SMURF1: variants seen among roughly 807,000 people sequenced by gnomAD.
SMURF1 encodes E3 ubiquitin-protein ligase SMURF1.
SMURF1 carries 44 observed loss-of-function variants against 98.0 expected under a neutral mutation model. The ratio of observed to expected loss-of-function variants is 0.45; its 90% confidence interval spans 0.35 to 0.58. SMURF1 has a LOEUF of 0.58. SMURF1 is among the 20% of genes least tolerant of loss of function. The pLI is 0.00. For synonymous variants in SMURF1, 396 were observed against 374.9 expected (o/e 1.06, Z -0.65); for missense variants, 687 against 938.4 (o/e 0.73, Z 3.50).
chr7:99,086,271 G>A (rs532005896), intron 1 of SMURF1, among the ~76,000 whole-genome samples: 20 of 152,000 alleles, frequency 1.3e-4, no homozygotes, highest in Admixed American at 6.6e-4. Flanking sequence ...ACTTGAACCT[G>A]GGAGACGGAA....
intron 1 of SMURF1, among the ~76,000 whole-genome samples, chr7:99,136,855 T>C (rs939935863): frequency 1.3e-5 from 2 of 151,970 alleles, no homozygotes; most frequent in African/African-American, 2.4e-5. Flanking sequence ...GAGGCTGAGG[T>C]GGGAGGATCA....
At chr7:99,110,664 A>C (rs1453774682) in intron 1 of SMURF1, among the ~76,000 whole-genome samples, 1 of 152,250 alleles carries the variant, frequency 6.6e-6, no homozygotes, top group Non-Finnish European at 1.5e-5. Flanking sequence ...AAGTCCAGCC[A>C]TATCTATCAT....
At chr7:99,102,253 T>G (rs1162737697) in intron 1 of SMURF1, among the ~76,000 whole-genome samples, 1 of 152,238 alleles carries the variant, frequency 6.6e-6, no homozygotes, top group African/African-American at 2.4e-5. Flanking sequence ...AATATTTTGT[T>G]GTTCTTTGTA....
intron 1 of SMURF1, among the ~76,000 whole-genome samples, chr7:99,102,831 G>GT (rs1413478906): frequency 6.6e-6 from 1 of 151,776 alleles, no homozygotes; most frequent in Non-Finnish European, 1.5e-5. Flanking sequence ...TGGTTTTTTT[G>GT]TTTTTTTGTT....
chr7:99,070,621 A>G (rs1023170233), intron 1 of SMURF1, among the ~76,000 whole-genome samples: 2 of 151,688 alleles, frequency 1.3e-5, no homozygotes, highest in Admixed American at 6.6e-5. Flanking sequence ...GACTTTAAAC[A>G]TATTTGTTAA....
intron 1 of SMURF1, among the ~76,000 whole-genome samples, chr7:99,085,326 C>G (rs1796655569): frequency 7.0e-6 from 1 of 142,572 alleles, no homozygotes. Flanking sequence ...GCACTCCAGC[C>G]TGGGTGACAA....
At chr7:99,118,748 A>C (rs1797519868) in intron 1 of SMURF1, among the ~76,000 whole-genome samples, 1 of 152,174 alleles carries the variant, frequency 6.6e-6, no homozygotes, top group Non-Finnish European at 1.5e-5. Context: ...ATGTACTAAG[A>C]GCCACTTAAT....
chr7:99,057,125 T>C lies in SMURF1; in HGVS notation c.403+80A>G, dbSNP rs567878581. On this transcript the variant is annotated intron_variant, in intron 5 of 17. Transcript: ENST00000361368. The stretch of plus-strand genomic sequence containing the variant: ...GAGGCCCGTCAGCATCGTCAGTGCC[T>C]GTATGTGAGTTCTCGGCGATGAAGG... The C allele has an allele frequency of 8.1e-6, 12 of 1,482,948 alleles. No individual in the cohort carries two copies. In the African/African-American group the frequency reaches 8.3e-5, roughly 10 times the overall value. The allele number at this position is 1,482,948 out of a possible 1,614,324, so 91.9% of individuals were successfully genotyped here. A position where few individuals can be genotyped will look rare whatever the true frequency, so the allele number is the denominator to read the frequency against.
In SMURF1 at chr7:99,030,347, T is replaced by G; in HGVS notation, c.*237A>C. On this transcript the variant is annotated 3_prime_UTR_variant, in exon 18 of 18. Transcript: ENST00000361368. Reference sequence around the variant, plus strand: ...GCCAAAGGCTAAACCTGGCTGCATTTTATTGGATGGGTGATGGAAGTGGGT... The same window carrying G: ...GCCAAAGGCTAAACCTGGCTGCATTGTATTGGATGGGTGATGGAAGTGGGT... The G allele has an allele frequency of 1.9e-6, 1 of 516,442 alleles. No homozygotes were observed. 32.0% of individuals were successfully genotyped at this position (516,442 alleles called of 1,614,324 possible).
chr7:99,045,834 A>C (rs1489431117), intron 10 of SMURF1, 33 bp from the exon 11 acceptor site: 1 of 1,509,256 alleles, frequency 6.6e-7, no homozygotes, highest in South Asian at 1.1e-5. Context: ...CAGAGAGAAG[A>C]ACATTCTTAT....
In SMURF1 at chr7:99,057,224, T is replaced by C; in HGVS notation, c.384A>G (p.Ala128=). ...LCKLNPSDTD[A]VRGQIVVSLQ... Reference sequence around the variant, plus strand: ...TCTTACCCACTATCTGGCCACGAACTGCATCAGTATCTGAGGGGTTTAGTT... The same window carrying C: ...TCTTACCCACTATCTGGCCACGAACCGCATCAGTATCTGAGGGGTTTAGTT... The change falls in exon 5 of 18, where the codon GCA becomes GCG. Residue 128 remains alanine, a synonymous_variant. Coordinates refer to ENST00000361368, the MANE Select transcript of SMURF1 (RefSeq NM_181349.3). 1 of 1,614,026 alleles carries C rather than the reference T, an allele frequency of 6.2e-7. No homozygotes were observed. Among genetic ancestry groups the C allele is most frequent in the South Asian group, 1.1e-5 (1 of 91,072 alleles).
chr7:99,056,695 C>G (rs1795883603), intron 5 of SMURF1, among the ~76,000 whole-genome samples: 1 of 152,056 alleles, frequency 6.6e-6, no homozygotes, highest in Non-Finnish European at 1.5e-5. Flanking sequence ...GTCATTTTTA[C>G]TCAACTTTAA....
chr7:99,107,291 C>G (rs1797214533), intron 1 of SMURF1, among the ~76,000 whole-genome samples: 1 of 152,188 alleles, frequency 6.6e-6, no homozygotes, highest in African/African-American at 2.4e-5. Context: ...TTATTTGTAA[C>G]TCAAAGGATA....
At chr7:99,045,504 G>A in intron 11 of SMURF1, 194 bp downstream of exon 11, 1 of 531,966 alleles carries the variant, frequency 1.9e-6, no homozygotes, top group Non-Finnish European at 3.3e-6. Context: ...GCAAGAGGCT[G>A]GCACGAGCAT....
intron 1 of SMURF1, among the ~76,000 whole-genome samples, chr7:99,062,041 T>A (rs1412435630): frequency 6.6e-6 from 1 of 151,636 alleles, no homozygotes; most frequent in Non-Finnish European, 1.5e-5. Flanking sequence ...CTATAACAAA[T>A]ACAAAATGCT....
At chr7:99,044,527 A>G (rs1231384542) in intron 11 of SMURF1, among the ~76,000 whole-genome samples, 1 of 152,240 alleles carries the variant, frequency 6.6e-6, no homozygotes, top group Non-Finnish European at 1.5e-5. Flanking sequence ...TAACCTTGAC[A>G]ACATAAAAGT....
intron 1 of SMURF1, among the ~76,000 whole-genome samples, chr7:99,109,809 TATAA>T (rs774931280): frequency 1.3e-5 from 2 of 152,218 alleles, no homozygotes; most frequent in Non-Finnish European, 2.9e-5. Context: ...AAGAAAAAGA[TATAA>T]ATGTTTTCTC....
chr7:99,068,506 G>GC (rs888494216), intron 1 of SMURF1, among the ~76,000 whole-genome samples: 1 of 152,068 alleles, frequency 6.6e-6, no homozygotes, highest in Non-Finnish European at 1.5e-5. Flanking sequence ...TCACTATGTT[G>GC]CCCAGGCTGC....
rs966602030 is a variant in SMURF1 at position 99,059,174 on chromosome 7, C to T, written c.203+1425G>A. Among the ~76,000 whole-genome samples the T allele has an allele frequency of 7.3e-5, 11 of 151,106 alleles. No individual in the cohort carries two copies. In the East Asian group the frequency reaches 7.9e-4, roughly 11 times the overall value. ...CAGCACTTTGGGAGGCCGAGGCGGG[C>T]GGATCACGAGGTCAGGAGATCGAGA... On this transcript the variant is annotated intron_variant, in intron 3 of 17. Transcript: ENST00000361368.
Sources: allele counts gnomAD v4.1 joint callset (sites outside exome capture counted in the v4.1 genomes callset), GRCh38; gene constraint gnomAD v4.1.1; transcripts MANE v1.5; gene names NCBI Gene and HGNC (gene_info 2026-07-23, HGNC 2026-07-21).